CSMD1: variants seen among roughly 807,000 people sequenced by gnomAD.
CSMD1 encodes the protein CUB and sushi domain-containing protein 1.
Under a neutral mutation model 417.5 loss-of-function variants are expected in CSMD1, and 213 were observed. That is an observed-to-expected ratio of 0.51 (90% CI 0.46 to 0.57). The LOEUF is 0.57. Ranked by LOEUF, CSMD1 falls within the 20% of genes least tolerant of loss-of-function variation. The pLI, the probability that CSMD1 is intolerant of heterozygous loss-of-function variation, is 0.00. For missense variants in CSMD1, 6,923 were observed against 4,529.7 expected (o/e 1.53, Z -15.17); for synonymous variants, 2,862 against 1,736.8 (o/e 1.65, Z -16.11).
intron 3 of CSMD1, among the ~76,000 whole-genome samples, chr8:4,248,594 T>C (rs1404164537): frequency 6.6e-6 from 1 of 152,220 alleles, no homozygotes; most frequent in Non-Finnish European, 1.5e-5. Context: ...CAAATCTGTG[T>C]TCAAATATGA....
rs572450902 is a variant in CSMD1, at chr8:4,330,192, C to G, written c.415+89761G>C. Among the ~76,000 whole-genome samples, 8 of 124,844 alleles carry G rather than the reference C, an allele frequency of 6.4e-5. No homozygotes were observed. The East Asian group carries it at 1.6e-3, about 24-fold the overall frequency. The allele number at this position is 124,844 out of a possible 152,430, so 81.9% of individuals were successfully genotyped here. The stretch of plus-strand genomic sequence containing the variant: ...GGAACAGAGGTTCCTGTTATGAAAT[C>G]CACAATTTCTCCATAACACCCGTCA... On this transcript the variant is annotated intron_variant, in intron 3 of 69. Coordinates refer to ENST00000635120, the MANE Select transcript of CSMD1 (RefSeq NM_033225.6).
intron 2 of CSMD1, among the ~76,000 whole-genome samples, chr8:4,483,633 G>T (rs555309904): frequency 6.6e-6 from 1 of 152,068 alleles, no homozygotes; most frequent in Non-Finnish European, 1.5e-5. Flanking sequence ...ATTTAAAACA[G>T]CAAAATGTGA....
chr8:3,186,833 A>G (rs1440681673), intron 36 of CSMD1, among the ~76,000 whole-genome samples: 1 of 152,220 alleles, frequency 6.6e-6, no homozygotes, highest in Non-Finnish European at 1.5e-5. Flanking sequence ...TCTAGTAGCT[A>G]ATCTTTGTTC....
intron 1 of CSMD1, among the ~76,000 whole-genome samples, chr8:4,982,040 C>T (rs931526171): frequency 4.6e-5 from 7 of 152,138 alleles, no homozygotes; most frequent in African/African-American, 1.7e-4. Flanking sequence ...CTGCAAGGAA[C>T]TGAATTCTGC....
At chr8:3,080,304 A>G (rs977472384) in intron 49 of CSMD1, among the ~76,000 whole-genome samples, 1 of 152,204 alleles carries the variant, frequency 6.6e-6, no homozygotes, top group African/African-American at 2.4e-5. Flanking sequence ...TAGTGTGCTG[A>G]TAATGGAAAC....
At chr8:4,188,987 G>T (rs907641850) in intron 3 of CSMD1, among the ~76,000 whole-genome samples, 3 of 152,156 alleles carry the variant, frequency 2.0e-5, no homozygotes, top group Non-Finnish European at 4.4e-5. Flanking sequence ...CCTAATGTTG[G>T]ACTGTGATGT....
intron 5 of CSMD1, among the ~76,000 whole-genome samples, chr8:3,848,474 G>A (rs2954217): frequency 0.43 from 65,681 of 151,610 alleles, 15,440 homozygotes; most frequent in African/African-American, 0.63. Context: ...ACTTAATTCA[G>A]TTAATTGATC....
At chr8:4,351,717 G>A (rs189464876) in intron 3 of CSMD1, among the ~76,000 whole-genome samples, 2 of 152,098 alleles carry the variant, frequency 1.3e-5, no homozygotes, top group African/African-American at 4.8e-5. Flanking sequence ...GCCAGACATG[G>A]AAAAGAAAAA....
intron 1 of CSMD1, among the ~76,000 whole-genome samples, chr8:4,943,123 G>A (rs1232615059): frequency 3.3e-5 from 5 of 152,188 alleles, no homozygotes; most frequent in Admixed American, 6.5e-5. Flanking sequence ...GAAGGAATTA[G>A]TGGAGGATTA....
chr8:3,680,522 C>G (rs959320721), intron 7 of CSMD1, among the ~76,000 whole-genome samples: 3 of 152,050 alleles, frequency 2.0e-5, no homozygotes, highest in South Asian at 2.1e-4. Flanking sequence ...CAATAACAGG[C>G]TCTGAAATTG....
intron 26 of CSMD1, among the ~76,000 whole-genome samples, chr8:3,234,202 C>G (rs546212693): frequency 2.6e-5 from 4 of 152,170 alleles, no homozygotes; most frequent in Non-Finnish European, 5.9e-5. Flanking sequence ...CAATCTCTCT[C>G]CATTTCTGCA....
chr8:4,721,199 A>T (rs1809032176), intron 1 of CSMD1, among the ~76,000 whole-genome samples: 1 of 152,162 alleles, frequency 6.6e-6, no homozygotes, highest in African/African-American at 2.4e-5. Flanking sequence ...CTTTGTCCCT[A>T]TCCATGTAAT....
chr8:4,924,923 A>C (rs931669435), intron 1 of CSMD1, among the ~76,000 whole-genome samples: 3 of 152,068 alleles, frequency 2.0e-5, no homozygotes, highest in Admixed American at 1.3e-4. Flanking sequence ...GTCTCTTCAA[A>C]TCCCGTCTCT....
intron 50 of CSMD1, among the ~76,000 whole-genome samples, chr8:3,049,807 A>C (rs1007447940): frequency 6.6e-6 from 1 of 152,030 alleles, no homozygotes; most frequent in South Asian, 2.1e-4. Context: ...CATCCATTGT[A>C]ACATGCACCC....
intron 1 of CSMD1, among the ~76,000 whole-genome samples, chr8:4,638,273 A>C (rs1802965793): frequency 6.6e-6 from 1 of 152,128 alleles, no homozygotes; most frequent in Admixed American, 6.5e-5. Flanking sequence ...AACATTATAA[A>C]ACTATATACA....
At chr8:4,825,949 A>G (rs965957869) in intron 1 of CSMD1, among the ~76,000 whole-genome samples, 3 of 152,100 alleles carry the variant, frequency 2.0e-5, no homozygotes, top group East Asian at 3.9e-4. Flanking sequence ...ATCACCTTAC[A>G]TCTTTGAGGA....
At chr8:3,684,101 ATTATATATTATATAATATATAAT>A (rs1799808824) in intron 7 of CSMD1, among the ~76,000 whole-genome samples, 1 of 146,012 alleles carries the variant, frequency 6.8e-6, no homozygotes. Context: ...ATGTATAGAT[ATTATATATTATATAATATATAAT>A]TTATATAATA....
At chr8:3,774,627 A>G (rs188183684) in intron 5 of CSMD1, among the ~76,000 whole-genome samples, 6 of 152,272 alleles carry the variant, frequency 3.9e-5, no homozygotes, top group Non-Finnish European at 7.4e-5. Context: ...AATTCTCACT[A>G]TCTTTGTTGA....
At position 3,981,754 on chromosome 8, in the gene CSMD1, T is replaced by G. The variant is rs570976188; in HGVS notation, c.818+16149A>C. On this transcript the variant is annotated intron_variant, in intron 5 of 69. Transcript: ENST00000635120. ...ATTTAATAAACGTGCTTGGAGACCCTGCCGTCCGACAGGCTGTGCGCTTCA... is the reference window on the plus strand; with the variant it reads ...ATTTAATAAACGTGCTTGGAGACCCGGCCGTCCGACAGGCTGTGCGCTTCA... 4.6e-5 allele frequency among the ~76,000 whole-genome samples: 7 copies of G among 152,312 alleles called. No homozygotes were observed. In the South Asian group the frequency reaches 1.5e-3, roughly 32 times the overall value.
Sources: allele counts gnomAD v4.1 joint callset (sites outside exome capture counted in the v4.1 genomes callset), GRCh38; gene constraint gnomAD v4.1.1; transcripts MANE v1.5; gene names NCBI Gene and HGNC (gene_info 2026-07-23, HGNC 2026-07-21).